PRKN: variants seen among roughly 807,000 people sequenced by gnomAD.
PRKN encodes E3 ubiquitin-protein ligase parkin.
Under a neutral mutation model 59.5 loss-of-function variants are expected in PRKN, and 56 were observed. That is an observed-to-expected ratio of 0.94 (90% confidence interval 0.76 to 1.18). PRKN has a LOEUF of 1.18. PRKN is among the 50% of genes most tolerant of loss of function. PRKN has a pLI of 0.00. For synonymous variants in PRKN, 250 were observed against 222.1 expected (o/e 1.13, Z -1.12); for missense variants, 657 against 596.4 (o/e 1.10, Z -1.06).
In PRKN at chr6:161,562,794, C is replaced by T. The variant is rs1284392601; in HGVS notation, c.933+6561G>A. On this transcript the variant is annotated intron_variant, in intron 8 of 11. Coordinates refer to ENST00000366898, the MANE Select transcript of PRKN (RefSeq NM_004562.3). This position sits in a 1 kb window ranked among gnomAD's most constrained non-coding sequence, Gnocchi z 4.3. ...CCTCTCAAGATTCACTTCTTTTTGTCTCCGCTGCCAACTGTCTTAATCCAG... is the reference window on the plus strand; with the variant it reads ...CCTCTCAAGATTCACTTCTTTTTGTTTCCGCTGCCAACTGTCTTAATCCAG... Among the ~76,000 whole-genome samples, 1 of 152,184 alleles carries T rather than the reference C, an allele frequency of 6.6e-6. No individual in the cohort carries two copies. Among genetic ancestry groups the T allele is most frequent in the African/African-American group, 2.4e-5 (1 of 41,432 alleles).
In PRKN at chr6:161,352,771, A is replaced by ATATATATATATATTTT. The variant is rs34279714; in HGVS notation, c.1286-2561_1286-2560insAAAATATATATATATA. On this transcript the variant is annotated intron_variant, in intron 11 of 11. Transcript: ENST00000366898. The surrounding 1 kb of genome is among the most constrained non-coding windows in gnomAD (Gnocchi z 5.8). ...TGTGTGTGTGTATATATATATATATATTTTATTTTATTTTATTTTATTTTT... is the reference window on the plus strand; with the variant it reads ...TGTGTGTGTGTATATATATATATATATATATATATATATTTTTTTTATTTTATTTTATTTTATTTTT... 2.6e-5 allele frequency among the ~76,000 whole-genome samples: 3 copies of ATATATATATATATTTT among 116,900 alleles called. No homozygotes were observed. The highest frequency in any genetic ancestry group is 5.0e-4 in the South Asian group (2 of 4,004). The allele number at this position is 116,900 out of a possible 152,430, so 76.7% of individuals were successfully genotyped here. A position where few individuals can be genotyped will look rare whatever the true frequency, so the allele number is the denominator to read the frequency against.
intron 6 of PRKN, among the ~76,000 whole-genome samples, chr6:161,889,500 T>C (rs918403614): frequency 1.3e-5 from 2 of 152,208 alleles, no homozygotes; most frequent in Non-Finnish European, 2.9e-5. Flanking sequence ...AAAGGTTACC[T>C]ACTGCATGGT....
intron 1 of PRKN, among the ~76,000 whole-genome samples, chr6:162,660,911 G>A (rs1778850578): frequency 1.3e-5 from 2 of 152,124 alleles, no homozygotes; most frequent in Non-Finnish European, 2.9e-5. Flanking sequence ...AAATTAAAGA[G>A]ATGAAATTTA....
At chr6:162,011,480 AT>A (rs1409053452) in intron 5 of PRKN, among the ~76,000 whole-genome samples, 475 of 15,806 alleles carry the variant, frequency 0.03, 131 homozygotes, top group African/African-American at 0.039. Context: ...TATATAATAT[AT>A]TATAATATAT....
intron 2 of PRKN, among the ~76,000 whole-genome samples, chr6:162,359,934 C>T (rs1177656000): frequency 6.6e-6 from 1 of 152,102 alleles, no homozygotes; most frequent in Non-Finnish European, 1.5e-5. Context: ...TTATAATTGG[C>T]TTATATTATT....
At chr6:162,393,997 A>G (rs1305775658) in intron 2 of PRKN, among the ~76,000 whole-genome samples, 1 of 152,168 alleles carries the variant, frequency 6.6e-6, no homozygotes, top group Non-Finnish European at 1.5e-5. Context: ...ACCTTTTCAA[A>G]TGTTTCTACA....
At chr6:162,727,361 C>G (rs1779303294) in intron 1 of PRKN, 2 of 393,706 alleles carry the variant, frequency 5.1e-6, no homozygotes, top group East Asian at 6.1e-5. Context: ...CCCACACGGT[C>G]CGGGGGACCG....
chr6:161,540,506 A>G (rs1027421652), intron 9 of PRKN, among the ~76,000 whole-genome samples: 1 of 152,212 alleles, frequency 6.6e-6, no homozygotes, highest in African/African-American at 2.4e-5. Flanking sequence ...AGGCAAATAA[A>G]CCATATAATT....
chr6:161,711,044 G>T (rs75361505), intron 7 of PRKN, among the ~76,000 whole-genome samples: 1 of 149,158 alleles, frequency 6.7e-6, no homozygotes, highest in Non-Finnish European at 1.5e-5. Flanking sequence ...TCTTATTCCC[G>T]TTGATCTGAA....
intron 3 of PRKN, among the ~76,000 whole-genome samples, chr6:162,233,312 A>G (rs540080547): frequency 1.1e-4 from 17 of 152,206 alleles, no homozygotes; most frequent in South Asian, 2.1e-4. Context: ...GTATTTCTAT[A>G]TGATACATTA....
chr6:161,596,525 G>A (rs940817341), intron 7 of PRKN, among the ~76,000 whole-genome samples: 2 of 151,350 alleles, frequency 1.3e-5, no homozygotes, highest in Non-Finnish European at 2.9e-5. Flanking sequence ...TCCTCAACTT[G>A]TCTCCCACTT....
intron 1 of PRKN, among the ~76,000 whole-genome samples, chr6:162,703,736 T>C (rs1035185940): frequency 6.6e-6 from 1 of 152,246 alleles, no homozygotes; most frequent in Admixed American, 6.5e-5. Context: ...AGCCTGATTA[T>C]GCACTAAGAC....
chr6:161,772,663 A>C (rs1353914049), intron 7 of PRKN, among the ~76,000 whole-genome samples: 1 of 152,182 alleles, frequency 6.6e-6, no homozygotes, highest in African/African-American at 2.4e-5. Flanking sequence ...TCATCCAAGC[A>C]ATTCTTCCCA....
chr6:162,438,719 T>C (rs1248924334), intron 2 of PRKN, among the ~76,000 whole-genome samples: 1 of 152,180 alleles, frequency 6.6e-6, no homozygotes, highest in Non-Finnish European at 1.5e-5. Flanking sequence ...AGATCTAAAA[T>C]TTGTCTTTAG....
intron 2 of PRKN, among the ~76,000 whole-genome samples, chr6:162,387,606 A>G (rs1221553021): frequency 1.5e-5 from 2 of 136,288 alleles, no homozygotes; most frequent in African/African-American, 5.6e-5. Context: ...AGAGAGAGAG[A>G]GAAATTTTCC....
intron 1 of PRKN, among the ~76,000 whole-genome samples, chr6:162,504,474 AGAT>A (rs1793517144): frequency 6.6e-6 from 1 of 152,218 alleles, no homozygotes; most frequent in South Asian, 2.1e-4. Flanking sequence ...CATAGGGAAC[AGAT>A]AATAGATCAA....
At chr6:162,509,873 TC>T (rs551879103) in intron 1 of PRKN, among the ~76,000 whole-genome samples, 71 of 152,312 alleles carry the variant, frequency 4.7e-4, no homozygotes, top group Non-Finnish European at 9.0e-4. Flanking sequence ...GCCCTGCTGT[TC>T]CTGCTTGCGT....
rs193209293 is a variant in PRKN at position 161,373,423 on chromosome 6, G to A, written c.1168-13218C>T. The stretch of plus-strand genomic sequence containing the variant: ...TGCTTGTCTTGGATTCCTCAGACAC[G>A]GGTGGGAACACCTAGTCCTTGCTGA... On this transcript the variant is annotated intron_variant, in intron 10 of 11. Transcript: ENST00000366898. The surrounding 1 kb of genome is among the most constrained non-coding windows in gnomAD (Gnocchi z 4.8). 2.8e-4 allele frequency among the ~76,000 whole-genome samples: 43 copies of A among 152,162 alleles called. No individual in the cohort carries two copies. The highest frequency in any genetic ancestry group is 1.0e-3 in the African/African-American group (42 of 41,528).
intron 1 of PRKN, among the ~76,000 whole-genome samples, chr6:162,655,673 T>G (rs935764107): frequency 3.3e-5 from 5 of 152,166 alleles, no homozygotes; most frequent in Non-Finnish European, 7.3e-5. Flanking sequence ...ATTCAATTAC[T>G]TGGAAGGTCT....
Sources: allele counts gnomAD v4.1 joint callset (sites outside exome capture counted in the v4.1 genomes callset), GRCh38; gene constraint gnomAD v4.1.1; non-coding constraint Gnocchi (gnomAD v3.1); transcripts MANE v1.5; gene names NCBI Gene and HGNC (gene_info 2026-07-23, HGNC 2026-07-21).